Variants in MYPN observed in about 807,000 individuals in gnomAD.
MYPN encodes sarcomeric protein myopalladin, 145 kDa (MYOP).
A neutral mutation model predicts 129.4 loss-of-function variants in MYPN; 63 were observed. That is an observed-to-expected ratio of 0.49 (90% confidence interval 0.40 to 0.60). The LOEUF is 0.60. Ranked by LOEUF, MYPN falls within the 20% of genes least tolerant of loss-of-function variation. The probability of loss-of-function intolerance (pLI) is 0.00; values close to 1 mark genes in which losing one functional copy is unlikely to be tolerated. For synonymous variants in MYPN, 629 were observed against 600.9 expected (o/e 1.05, Z -0.68); for missense variants, 1,596 against 1,635.4 (o/e 0.98, Z 0.42).
At chr10:68,142,125 G>C (rs2042587774) in intron 2 of MYPN, among the ~76,000 whole-genome samples, 1 of 152,198 alleles carries the variant, frequency 6.6e-6, no homozygotes, top group Admixed American at 6.5e-5. Flanking sequence ...AATTCTGGCA[G>C]TACTGGCAGA....
chr10:68,209,208 T>G (rs1248478800), intron 19 of MYPN, among the ~76,000 whole-genome samples: 1 of 152,192 alleles, frequency 6.6e-6, no homozygotes, highest in Non-Finnish European at 1.5e-5. Context: ...GATTGCCCAG[T>G]AATTTCTGAA....
intron 18 of MYPN, among the ~76,000 whole-genome samples, chr10:68,204,849 T>C (rs2043786334): frequency 6.6e-6 from 1 of 151,308 alleles, no homozygotes; most frequent in South Asian, 2.1e-4. Flanking sequence ...CACGTGACCC[T>C]CTCCCCTGCC....
At chr10:68,119,262 TTAA>T (rs767515645) in intron 1 of MYPN, among the ~76,000 whole-genome samples, 4 of 152,180 alleles carry the variant, frequency 2.6e-5, no homozygotes, top group Non-Finnish European at 4.4e-5. Flanking sequence ...ATAGTTCTAT[TTAA>T]TGAGTAATAA....
intron 5 of MYPN, 89 bp from the exon 6 acceptor site, chr10:68,149,951 A>G: frequency 3.2e-6 from 4 of 1,252,716 alleles, no homozygotes; most frequent in Non-Finnish European, 4.7e-6. Flanking sequence ...GATGCATTTC[A>G]TATACCAAAT....
Position 68,206,910 on chromosome 10 carries a change from G to A in MYPN, c.3793+7G>A, listed in dbSNP as rs778652336. 1 of 1,614,082 alleles carries A rather than the reference G, an allele frequency of 6.2e-7. No individual in the cohort carries two copies. The highest frequency in any genetic ancestry group is 8.5e-7 in the Non-Finnish European group (1 of 1,179,996). ...GCCAGGCTGGATATATACGGTAAGT[G>A]TAATGCTGTTAGTTGAACATCTGTA... On this transcript the variant is annotated splice_region_variant and intron_variant, in intron 19 of 19. Coordinates refer to ENST00000358913, the MANE Select transcript of MYPN (RefSeq NM_032578.4).
At chr10:68,206,947 G>C (rs1053158768) in intron 19 of MYPN, 44 bp downstream of exon 19, 9 of 1,612,648 alleles carry the variant, frequency 5.6e-6, no homozygotes, top group Non-Finnish European at 7.6e-6. Context: ...GCAACTGACA[G>C]CTTAAAAATA....
chr10:68,205,616 G>A (rs148149358), intron 18 of MYPN, among the ~76,000 whole-genome samples: 10 of 151,294 alleles, frequency 6.6e-5, no homozygotes, highest in Non-Finnish European at 1.3e-4. Context: ...GAACCTGGGA[G>A]GGGGAGGGTG....
intron 3 of MYPN, among the ~76,000 whole-genome samples, chr10:68,145,016 T>C (rs960547247): frequency 2.0e-5 from 3 of 151,828 alleles, no homozygotes; most frequent in African/African-American, 7.3e-5. Context: ...AGTGAATCAA[T>C]GAGTTCATTT....
At chr10:68,094,460 C>T (rs1430379730) in intron 1 of MYPN, among the ~76,000 whole-genome samples, 2 of 151,728 alleles carry the variant, frequency 1.3e-5, no homozygotes, top group Non-Finnish European at 2.9e-5. Flanking sequence ...CGGGGTTTCA[C>T]CATGTTGGCC....
chr10:68,153,567 T>G (rs1447972605), intron 6 of MYPN, among the ~76,000 whole-genome samples: 1 of 152,146 alleles, frequency 6.6e-6, no homozygotes, highest in Non-Finnish European at 1.5e-5. Flanking sequence ...GGATATGTGC[T>G]TTTGCCTCCA....
At chr10:68,157,670 CAAAAA>C (rs71009010) in intron 6 of MYPN, among the ~76,000 whole-genome samples, 4 of 84,884 alleles carry the variant, frequency 4.7e-5, no homozygotes, top group Admixed American at 1.3e-4. Context: ...CCTGTCTCTA[CAAAAA>C]AAAAAAAAAA....
At chr10:68,102,523 C>T (rs1414512027), upstream of MYPN, among the ~76,000 whole-genome samples, 1 of 152,100 alleles carries the variant, frequency 6.6e-6, no homozygotes, top group Non-Finnish European at 1.5e-5. Flanking sequence ...TGAGAGAGTA[C>T]TTTTATTATA....
upstream of MYPN, among the ~76,000 whole-genome samples, chr10:68,107,942 T>C (rs1171862585): frequency 1.3e-5 from 2 of 152,188 alleles, no homozygotes; most frequent in Non-Finnish European, 2.9e-5. Flanking sequence ...CAGCAGCACT[T>C]AACATTGATT....
At position 68,174,071 on chromosome 10, in the gene MYPN, C is replaced by T. The variant is rs377257378; in HGVS notation, c.1979C>T (p.Ser660Phe). 6.2e-6 allele frequency: 10 copies of T among 1,611,626 alleles called. No homozygotes were observed. The highest frequency in any genetic ancestry group is 8.5e-6 in the Non-Finnish European group (10 of 1,177,902). The change falls in exon 11 of 20, where the codon TCC becomes TTC. Residue 660 changes from serine to phenylalanine, a missense_variant. Transcript: ENST00000358913. ...CACCCTTGTTTTGTGTACAGTGATT[C>T]CACTCAGTTACAACAGCTTCATAAC... ...PPVLAKPKLD[S>F]TQLQQLHNQV... is the part of the protein sequence containing the mutation.
intron 13 of MYPN, among the ~76,000 whole-genome samples, chr10:68,190,191 TTG>T (rs3084753): frequency 0.18 from 27,089 of 151,804 alleles, 2,855 homozygotes; most frequent in Middle Eastern, 0.26. Context: ...CAGGTCTTTT[TTG>T]TGTGTGTGTG....
At chr10:68,173,803 C>T (rs1476612860) in intron 10 of MYPN, among the ~76,000 whole-genome samples, 1 of 150,734 alleles carries the variant, frequency 6.6e-6, no homozygotes, top group African/African-American at 2.4e-5. Context: ...CGTGCACCAC[C>T]ATGTCTGGCT....
At chr10:68,095,764 G>A (rs1366719196) in intron 1 of MYPN, among the ~76,000 whole-genome samples, 1 of 91,186 alleles carries the variant, frequency 1.1e-5, no homozygotes, top group Admixed American at 8.7e-5. Context: ...GGGGGAAGAG[G>A]GGAATAGGGG....
intron 12 of MYPN, among the ~76,000 whole-genome samples, chr10:68,176,892 C>T (rs1436459101): frequency 6.6e-6 from 1 of 152,200 alleles, no homozygotes; most frequent in African/African-American, 2.4e-5. Flanking sequence ...TACCTTCAAG[C>T]TCTATACATG....
chr10:68,182,069 C>T (rs1221185305), intron 12 of MYPN, among the ~76,000 whole-genome samples: 1 of 151,784 alleles, frequency 6.6e-6, no homozygotes, highest in Non-Finnish European at 1.5e-5. Flanking sequence ...TGTCCTTAAG[C>T]ACCTGCTTTG....
Sources: allele counts gnomAD v4.1 joint callset (sites outside exome capture counted in the v4.1 genomes callset), GRCh38; gene constraint gnomAD v4.1.1; transcripts MANE v1.5; gene names NCBI Gene and HGNC (gene_info 2026-07-23, HGNC 2026-07-21).